The following PRKDC variants were observed in gnomAD, a reference collection of about 807,000 sequenced individuals.
PRKDC encodes protein kinase, DNA-activated, catalytic subunit, also known as DNA-dependent protein kinase catalytic subunit.
A neutral mutation model predicts 486.9 loss-of-function variants in PRKDC; 82 were observed. The observed-to-expected ratio is 0.17, with a 90% confidence interval of 0.14 to 0.20. PRKDC has a LOEUF of 0.20. PRKDC is among the 10% of genes least tolerant of loss of function. The probability of loss-of-function intolerance (pLI) is 1.00; values close to 1 mark genes in which losing one functional copy is unlikely to be tolerated. For synonymous variants in PRKDC, 1,895 were observed against 1,837.0 expected, an observed-to-expected ratio of 1.03 and a Z score of -0.81; for missense variants, 4,504 against 5,038.2, an observed-to-expected ratio of 0.89 and a Z score of 3.21.
chr8:47,867,152 TAAGACA>T (rs1016214742), intron 40 of PRKDC, among the ~76,000 whole-genome samples: 5 of 152,164 alleles, frequency 3.3e-5, no homozygotes, highest in African/African-American at 1.2e-4. Flanking sequence ...ACTAATTTTT[TAAGACA>T]AAGAATGAGG....
chr8:47,834,010 C>G (rs1217901159), intron 59 of PRKDC, among the ~76,000 whole-genome samples, 186 bp downstream of exon 59: 2 of 152,208 alleles, frequency 1.3e-5, no homozygotes. Context: ...CTGAAGGATT[C>G]TTCTGGAACT....
At chr8:47,893,417 A>G in intron 30 of PRKDC, 30 bp from the exon 31 acceptor site, 1 of 1,439,936 alleles carries the variant, frequency 6.9e-7, no homozygotes, top group East Asian at 2.4e-5. Flanking sequence ...TAAAATGCAC[A>G]CATATACCTA....
intron 73 of PRKDC, among the ~76,000 whole-genome samples, chr8:47,797,866 C>T (rs1220196541): frequency 6.6e-6 from 1 of 152,210 alleles, no homozygotes. Context: ...CTGAACCTTG[C>T]TCACTCCCTT....
rs2089752182 is a variant in PRKDC at position 47,905,031 on chromosome 8, C to G, written c.2935-55G>C. The G allele has an allele frequency of 7.8e-6, 10 of 1,286,770 alleles. No individual in the cohort carries two copies. In the South Asian group the frequency reaches 1.2e-4, roughly 16 times the overall value. The allele number at this position is 1,286,770 out of a possible 1,614,324, so 79.7% of individuals were successfully genotyped here. ...CCCTTCATGTTAAAGAAATGTTACG[C>G]TGTAAAGGGTTCCATTTAAATGCCA... On this transcript the variant is annotated intron_variant, in intron 25 of 85. Coordinates refer to ENST00000314191, the MANE Select transcript of PRKDC (RefSeq NM_006904.7).
intron 10 of PRKDC, among the ~76,000 whole-genome samples, chr8:47,941,007 A>G (rs966354345): frequency 1.3e-5 from 2 of 152,050 alleles, no homozygotes; most frequent in African/African-American, 4.8e-5. Context: ...GCAGGTGCCT[A>G]TAATCCCAAC....
intron 25 of PRKDC, among the ~76,000 whole-genome samples, chr8:47,910,314 CACT>C (rs1345969929): frequency 1.3e-5 from 2 of 152,196 alleles, no homozygotes; most frequent in Admixed American, 6.5e-5. Flanking sequence ...TGTAAAGGCC[CACT>C]GGAGTAGCCT....
intron 80 of PRKDC, among the ~76,000 whole-genome samples, chr8:47,779,797 C>G (rs947394717): frequency 3.3e-5 from 5 of 152,090 alleles, no homozygotes; most frequent in African/African-American, 1.2e-4. Context: ...ACCACGTTGG[C>G]CAGGCTGGTC....
At chr8:47,911,259 A>C (rs1034266504) in intron 25 of PRKDC, among the ~76,000 whole-genome samples, 1 of 152,242 alleles carries the variant, frequency 6.6e-6, no homozygotes, top group African/African-American at 2.4e-5. Flanking sequence ...ACTAACTCCA[A>C]GTAAAGCACT....
At chr8:47,886,256 A>G in intron 35 of PRKDC, 109 bp from the exon 36 acceptor site, 2 of 816,092 alleles carry the variant, frequency 2.5e-6, no homozygotes, top group Non-Finnish European at 3.6e-6. Flanking sequence ...ACAGGTCTAA[A>G]AAGAGCCTGA....
At chr8:47,884,654 AATTCCTAC>A (rs2089289814) in intron 36 of PRKDC, among the ~76,000 whole-genome samples, 1 of 152,222 alleles carries the variant, frequency 6.6e-6, no homozygotes, top group South Asian at 2.1e-4. Context: ...AAAGAATACA[AATTCCTAC>A]TGCAATCTAC....
intron 69 of PRKDC, 110 bp from the exon 70 acceptor site, chr8:47,803,590 C>G: frequency 1.1e-6 from 1 of 917,042 alleles, no homozygotes; most frequent in South Asian, 1.5e-5. Flanking sequence ...CTTAGAGTAG[C>G]GAATCCATTT....
At chr8:47,803,271 T>TTTAA in intron 70 of PRKDC, 35 bp downstream of exon 70, 1 of 1,567,584 alleles carries the variant, frequency 6.4e-7, no homozygotes, top group South Asian at 1.2e-5. Flanking sequence ...AACACAGCCC[T>TTTAA]TTAAGATATA....
At chr8:47,928,502 C>G (rs911171209) in intron 19 of PRKDC, among the ~76,000 whole-genome samples, 2 of 151,746 alleles carry the variant, frequency 1.3e-5, no homozygotes, top group African/African-American at 4.8e-5. Context: ...TTTTTAGGAC[C>G]TTAGTCCCGC....
chr8:47,837,166 G>A, intron 57 of PRKDC, 46 bp downstream of exon 57: 1 of 1,522,710 alleles, frequency 6.6e-7, no homozygotes, highest in Non-Finnish European at 9.0e-7. Context: ...TCATGAACAG[G>A]AAAAGCCTAT....
At position 47,774,466 on chromosome 8, in the gene PRKDC, C is replaced by T; in HGVS notation, c.12183-89G>A. ...CTAGTGATCCTATCCAAACACATTCCCCACGTCATCACTCACAGAGTATTT... is the reference window on the plus strand; with the variant it reads ...CTAGTGATCCTATCCAAACACATTCTCCACGTCATCACTCACAGAGTATTT... On this transcript the variant is annotated intron_variant, in intron 85 of 85. Transcript: ENST00000314191. The T allele has an allele frequency of 2.5e-6, 3 of 1,201,560 alleles. No homozygotes were observed. In the South Asian group the frequency reaches 4.4e-5, roughly 18 times the overall value. 74.4% of individuals were successfully genotyped at this position (1,201,560 alleles called of 1,614,324 possible).
chr8:47,911,536 T>C (rs757743645), intron 25 of PRKDC, among the ~76,000 whole-genome samples: 14 of 152,220 alleles, frequency 9.2e-5, no homozygotes, highest in Non-Finnish European at 1.8e-4. Context: ...CATCTGAACA[T>C]ACTGCTGGAC....
intron 68 of PRKDC, among the ~76,000 whole-genome samples, chr8:47,814,822 TA>T (rs1456739214): frequency 1.3e-5 from 2 of 152,178 alleles, no homozygotes; most frequent in African/African-American, 4.8e-5. Context: ...AAGCAGATTC[TA>T]AAATGTAAAT....
In PRKDC at chr8:47,777,795, C is replaced by A. The variant is rs1226255112; in HGVS notation, c.11933G>T (p.Gly3978Val). The A allele has an allele frequency of 6.2e-7, 1 of 1,614,000 alleles. No individual in the cohort carries two copies. Among genetic ancestry groups the A allele is most frequent in the South Asian group, 1.1e-5 (1 of 91,086 alleles). Residue 3978 changes from glycine (G) to valine (V), a missense_variant, in exon 84 of 86, where the codon GGC becomes GTC. Transcript: ENST00000314191. Reference sequence around the variant, plus strand: ...GTGTACCATGATGCTGTACATAAGGCCCGTTTCTTTCATTGGTAACATCAG... The same window carrying A: ...GTGTACCATGATGCTGTACATAAGGACCGTTTCTTTCATTGGTAACATCAG... ...INLMLPMKET[G>V]LMYSIMVHAL... is the part of the protein sequence containing the mutation.
At position 47,893,227 on chromosome 8, in the gene PRKDC, C is replaced by A; in HGVS notation, c.3759G>T (p.Thr1253=). 4 of 1,612,668 alleles carry A rather than the reference C, an allele frequency of 2.5e-6. No homozygotes were observed. The highest frequency in any genetic ancestry group is 1.7e-5 in the Admixed American group (1 of 59,832). ...CCAGGAGCAGGTCCAGCCAGCATAG[C>A]GTGGCCTGCAGGCTGAATGGCCCCC... ...YLRGPFSLQA[T]LCWLDLLLAA... The change falls in exon 31 of 86, where the codon ACG becomes ACT. Residue 1253 remains threonine, a synonymous_variant. Transcript: ENST00000314191.
Sources: gnomAD v4.1 joint callset for allele counts (sites outside exome capture counted in the v4.1 genomes callset) on GRCh38, gnomAD v4.1.1 for gene constraint, MANE v1.5 for transcripts, NCBI Gene and HGNC (gene_info 2026-07-23, HGNC 2026-07-21) for gene names.